Variants in SH2B3 observed in about 807,000 individuals in gnomAD.
SH2B3 encodes the protein SH2B adaptor protein 3.
A neutral mutation model predicts 51.9 loss-of-function variants in SH2B3; 43 were observed. The observed-to-expected ratio is 0.83, with a 90% CI of 0.65 to 1.07. SH2B3 has a LOEUF of 1.07. SH2B3 is among the 50% of genes least tolerant of loss of function. SH2B3 has a pLI of 0.00. For synonymous variants in SH2B3, 396 were observed against 376.0 expected (o/e 1.05, Z -0.62); for missense variants, 952 against 834.3 (o/e 1.14, Z -1.74).
In SH2B3 at chr12:111,427,388, G is replaced by GAA. The variant is rs557658468; in HGVS notation, c.732+8540_732+8541dup. 7.4e-3 allele frequency among the ~76,000 whole-genome samples: 617 copies of GAA among 82,966 alleles called. 22 individuals carry two copies. Among genetic ancestry groups the GAA allele is most frequent in the African/African-American group, 0.021 (568 of 26,588 alleles). 54.4% of individuals were successfully genotyped at this position (82,966 alleles called of 152,430 possible). A position where few individuals can be genotyped will look rare whatever the true frequency, so the allele number is the denominator to read the frequency against. ...GCGACAGAGCAAGACTCCATCTCAGGAAAAAAAAAAAAAAAAAAAAAAAAA... is the reference window on the plus strand; with the variant it reads ...GCGACAGAGCAAGACTCCATCTCAGGAAAAAAAAAAAAAAAAAAAAAAAAAAA... On this transcript the variant is annotated intron_variant, in intron 2 of 7. Coordinates refer to ENST00000341259, the MANE Select transcript of SH2B3 (RefSeq NM_005475.3).
intron 2 of SH2B3, among the ~76,000 whole-genome samples, chr12:111,439,888 C>A (rs1351717634): frequency 6.6e-6 from 1 of 152,178 alleles, no homozygotes; most frequent in African/African-American, 2.4e-5. Context: ...CTTGTGAATA[C>A]CCCTTTCCCC....
At chr12:111,414,745 C>G (rs148746916) in intron 1 of SH2B3, among the ~76,000 whole-genome samples, 2 of 152,196 alleles carry the variant, frequency 1.3e-5, no homozygotes, top group Non-Finnish European at 2.9e-5. Context: ...CACTGCCCTG[C>G]AGACATGCCC....
At chr12:111,417,818 A>T (rs1028765644) in intron 1 of SH2B3, among the ~76,000 whole-genome samples, 1 of 152,086 alleles carries the variant, frequency 6.6e-6, no homozygotes, top group South Asian at 2.1e-4. Context: ...TTTGTTGAAA[A>T]TTTTTATCAT....
intron 1 of SH2B3, among the ~76,000 whole-genome samples, chr12:111,416,503 T>C (rs944590279): frequency 6.6e-6 from 1 of 151,878 alleles, no homozygotes; most frequent in Non-Finnish European, 1.5e-5. Flanking sequence ...TTTTTTTGTT[T>C]TTTGTTTTGA....
chr12:111,418,567 G>C lies in SH2B3; in HGVS notation c.422G>C (p.Ser141Thr). Reference protein sequence around the residue: ...GPCSFQHFRRSLRHIFRRRSA... With the variant: ...GPCSFQHFRRTLRHIFRRRSA... ...TGCTCCTTCCAGCACTTTCGCCGCA[G>C]CCTCCGCCACATCTTCCGCCGCCGC... Residue 141 changes from serine to threonine, a missense_variant, in exon 2 of 8, where the codon AGC becomes ACC. Ser to Thr is a moderately conservative substitution (Grantham distance 58). Coordinates refer to ENST00000341259, the MANE Select transcript of SH2B3 (RefSeq NM_005475.3). This position sits in a 1 kb window ranked among gnomAD's most constrained non-coding sequence, Gnocchi z 6.7. 1 of 1,476,444 alleles carries C rather than the reference G, an allele frequency of 6.8e-7. No homozygotes were observed. The highest frequency in any genetic ancestry group is 8.9e-7 in the Non-Finnish European group (1 of 1,119,802). 91.5% of individuals were successfully genotyped at this position (1,476,444 alleles called of 1,614,324 possible).
chr12:111,415,729 C>T (rs190780186), intron 1 of SH2B3, among the ~76,000 whole-genome samples: 2 of 149,264 alleles, frequency 1.3e-5, no homozygotes, highest in East Asian at 4.0e-4. Flanking sequence ...TCAAGTGATT[C>T]TCCTGCCTCA....
Position 111,430,142 on chromosome 12 carries a change from G to A in SH2B3, c.732+11265G>A, listed in dbSNP as rs186549888. Among the ~76,000 whole-genome samples the A allele has an allele frequency of 8.7e-4, 132 of 152,316 alleles. 1 individual carries two copies. Among genetic ancestry groups the A allele is most frequent in the African/African-American group, 3.1e-3 (129 of 41,580 alleles). ...ACCCAGGTAGGTCCCAGTCCTCTCT[G>A]AGCTATGAAGTGGGTGCCTGCAGTG... On this transcript the variant is annotated intron_variant, in intron 2 of 7. Coordinates refer to ENST00000341259, the MANE Select transcript of SH2B3 (RefSeq NM_005475.3).
At chr12:111,413,860 G>A (rs1199224912) in intron 1 of SH2B3, among the ~76,000 whole-genome samples, 1 of 152,230 alleles carries the variant, frequency 6.6e-6, no homozygotes, top group African/African-American at 2.4e-5. Flanking sequence ...GATAATGTGT[G>A]ACCAGTGTGC....
intron 2 of SH2B3, chr12:111,444,674 C>G: frequency 1.0e-6 from 1 of 952,450 alleles, no homozygotes; most frequent in Non-Finnish European, 1.3e-6. Flanking sequence ...TTGAGCTTGT[C>G]TCCCCTCTCA....
chr12:111,436,927 C>T (rs1013350613), intron 2 of SH2B3, among the ~76,000 whole-genome samples: 2 of 151,864 alleles, frequency 1.3e-5, no homozygotes, highest in East Asian at 1.9e-4. Context: ...CACACATACA[C>T]GGGAAAAGCA....
intron 2 of SH2B3, among the ~76,000 whole-genome samples, chr12:111,422,901 T>G (rs1871668747): frequency 6.6e-6 from 1 of 152,154 alleles, no homozygotes; most frequent in Non-Finnish European, 1.5e-5. Context: ...TTCACCATGT[T>G]GGCCAGGCTG....
chr12:111,416,605 T>G (rs1006434852), intron 1 of SH2B3, among the ~76,000 whole-genome samples: 5 of 152,144 alleles, frequency 3.3e-5, no homozygotes, highest in Non-Finnish European at 1.5e-5. Context: ...GCATTTCTCC[T>G]GCCCCAGCCT....
rs1298333598 is a variant in SH2B3 at position 111,449,547 on chromosome 12, C to G, written c.*1245C>G. The G allele has an allele frequency of 6.6e-6, 1 of 152,246 alleles. No individual in the cohort carries two copies. Among genetic ancestry groups the G allele is most frequent in the Non-Finnish European group, 1.5e-5 (1 of 68,114 alleles). The allele number at this position is 152,246 out of a possible 1,614,324, so 9.4% of individuals were successfully genotyped here. A position where few individuals can be genotyped will look rare whatever the true frequency, so the allele number is the denominator to read the frequency against. On this transcript the variant is annotated 3_prime_UTR_variant, in exon 8 of 8. Transcript: ENST00000341259. ...ACAATCTCCACCATCCAGGGAGGTC[C>G]TGAAGTCAAATCTCTATCTATACAA...
rs1365917986 is a variant in SH2B3 at position 111,418,396 on chromosome 12, C to T, written c.251C>T (p.Ala84Val). The T allele has an allele frequency of 2.0e-6, 3 of 1,495,870 alleles. No individual in the cohort carries two copies. Among genetic ancestry groups the T allele is most frequent in the Non-Finnish European group, 2.7e-6 (3 of 1,128,802 alleles). The allele number at this position is 1,495,870 out of a possible 1,614,324, so 92.7% of individuals were successfully genotyped here. A position where few individuals can be genotyped will look rare whatever the true frequency, so the allele number is the denominator to read the frequency against. ...TGCCGCGAGGTGCGCGACGGACGGG[C>T]GCCGGGCCGCGACTACCGGGACACA... Reference protein sequence around the residue: ...YFCREVRDGRAPGRDYRDTGR... With the variant: ...YFCREVRDGRVPGRDYRDTGR... Residue 84 changes from alanine to valine, a missense_variant, in exon 2 of 8, where the codon GCG (alanine) becomes GTG (valine). Ala to Val is a moderately conservative substitution (Grantham distance 64). Coordinates refer to ENST00000341259, the MANE Select transcript of SH2B3 (RefSeq NM_005475.3). This position sits in a 1 kb window ranked among gnomAD's most constrained non-coding sequence, Gnocchi z 6.7.
chr12:111,408,714 GC>G (rs1189533699), intron 1 of SH2B3, among the ~76,000 whole-genome samples: 1 of 152,162 alleles, frequency 6.6e-6, no homozygotes, highest in Non-Finnish European at 1.5e-5. Flanking sequence ...CACAGTCTGG[GC>G]CAATACAGCT....
intron 2 of SH2B3, among the ~76,000 whole-genome samples, chr12:111,421,530 C>G (rs1871561530): frequency 6.6e-6 from 1 of 151,590 alleles, no homozygotes. Flanking sequence ...AGTCCTCCCA[C>G]CTCAGCCTCC....
rs1055519720 is a variant in SH2B3, at chr12:111,443,342, C to A, written c.733-3411C>A. On this transcript the variant is annotated intron_variant, in intron 2 of 7. Coordinates refer to ENST00000341259, the MANE Select transcript of SH2B3 (RefSeq NM_005475.3). ...ACAGCACAGGGCCATTTGAAGGGAG[C>A]CTGGAACTGCATTTCCATGTGGACC... is the stretch of plus-strand genomic sequence containing the variant. 1.2e-4 allele frequency: 19 copies of A among 152,228 alleles called. 1 individual carries two copies. The highest frequency in any genetic ancestry group is 4.6e-4 in the African/African-American group (19 of 41,456). 9.4% of individuals were successfully genotyped at this position (152,228 alleles called of 1,614,324 possible).
chr12:111,425,611 G>T (rs1871933310), intron 2 of SH2B3, among the ~76,000 whole-genome samples: 1 of 152,204 alleles, frequency 6.6e-6, no homozygotes, highest in African/African-American at 2.4e-5. Flanking sequence ...GTGGGCCACA[G>T]TGGGGACTTT....
At position 111,437,408 on chromosome 12, in the gene SH2B3, G is replaced by T. The variant is rs1872974405; in HGVS notation, c.733-9345G>T. Reference sequence around the variant, plus strand: ...GGGGAAAGGGCACCTGAGGCAGCAGGGTGCAGACCAAGGGGGGATCTGGCC... The same window carrying T: ...GGGGAAAGGGCACCTGAGGCAGCAGTGTGCAGACCAAGGGGGGATCTGGCC... On this transcript the variant is annotated intron_variant, in intron 2 of 7. Transcript: ENST00000341259. 1.3e-5 allele frequency among the ~76,000 whole-genome samples: 2 copies of T among 152,138 alleles called. 1 individual carries two copies. Among genetic ancestry groups the T allele is most frequent in the African/African-American group, 4.8e-5 (2 of 41,402 alleles).
Sources: allele counts gnomAD v4.1 joint callset (sites outside exome capture counted in the v4.1 genomes callset), GRCh38; gene constraint gnomAD v4.1.1; non-coding constraint Gnocchi (gnomAD v3.1); transcripts MANE v1.5; gene names NCBI Gene and HGNC (gene_info 2026-07-23, HGNC 2026-07-21).